The following GRM3 variants were observed in gnomAD, a reference collection of about 807,000 sequenced individuals.
GRM3 encodes glutamate metabotropic receptor 3.
A neutral mutation model predicts 70.5 loss-of-function variants in GRM3; 26 were observed. The ratio of observed to expected loss-of-function variants is 0.37; its 90% CI spans 0.27 to 0.51. GRM3 has a LOEUF of 0.51. Ranked by LOEUF, GRM3 falls within the 20% of genes least tolerant of loss-of-function variation. The pLI is 0.93. For synonymous variants in GRM3, 443 were observed against 434.9 expected (o/e 1.02, Z -0.23); for missense variants, 859 against 1,123.8 (o/e 0.76, Z 3.37).
Position 86,839,621 on chromosome 7 carries a change from G to A in GRM3, c.2107G>A (p.Val703Met), listed in dbSNP as rs761489102. 4 of 1,613,928 alleles carry A rather than the reference G, an allele frequency of 2.5e-6. No homozygotes were observed. Among genetic ancestry groups the A allele is most frequent in the African/African-American group, 2.7e-5 (2 of 74,886 alleles). ...TCTGATCCTGGTGCAAATTGTGATG[G>A]TGTCTGTGTGGCTCATCCTGGAGGC... ...LGLILVQIVM[V>M]SVWLILEAPG... Residue 703 changes from valine (V) to methionine (M), a missense_variant, in exon 4 of 6, where the codon GTG (valine) becomes ATG (methionine). Physicochemically the swap from Val to Met is conservative, Grantham distance 21. Coordinates refer to ENST00000361669, the MANE Select transcript of GRM3 (RefSeq NM_000840.3). This position sits in a 1 kb window ranked among gnomAD's most constrained non-coding sequence, Gnocchi z 4.5.
At chr7:86,698,560 A>G (rs576521007) in intron 1 of GRM3, among the ~76,000 whole-genome samples, 1 of 142,844 alleles carries the variant, frequency 7.0e-6, no homozygotes, top group South Asian at 2.1e-4. Flanking sequence ...ATTATTATAT[A>G]TATAATTATA....
rs147001196 is a variant in GRM3 at position 86,724,754 on chromosome 7, G to A, written c.-140-40252G>A. Among the ~76,000 whole-genome samples the A allele has an allele frequency of 8.0e-5, 12 of 149,592 alleles. No individual in the cohort carries two copies. In the East Asian group the frequency reaches 2.3e-3, roughly 29 times the overall value. Reference sequence around the variant, plus strand: ...GATTCATAAATCACACTCTTGAGTGGGGAGGGTTAGATTATTTGCAAAAGC... The same window carrying A: ...GATTCATAAATCACACTCTTGAGTGAGGAGGGTTAGATTATTTGCAAAAGC... On this transcript the variant is annotated intron_variant, in intron 1 of 5. Coordinates refer to ENST00000361669, the MANE Select transcript of GRM3 (RefSeq NM_000840.3).
chr7:86,798,392 G>A (rs1797606067), intron 3 of GRM3, among the ~76,000 whole-genome samples: 2 of 152,210 alleles, frequency 1.3e-5, no homozygotes, highest in South Asian at 2.1e-4. Flanking sequence ...TGACCTGGAT[G>A]TGAGACATGG....
intron 1 of GRM3, among the ~76,000 whole-genome samples, chr7:86,739,705 C>A (rs535304285): frequency 6.6e-6 from 1 of 152,334 alleles, no homozygotes; most frequent in Admixed American, 6.5e-5. Context: ...TGATTCTAAT[C>A]ATGCTTAAAT....
chr7:86,781,215 A>G (rs1797049755), intron 2 of GRM3, among the ~76,000 whole-genome samples: 2 of 152,222 alleles, frequency 1.3e-5, no homozygotes, highest in South Asian at 4.1e-4. Flanking sequence ...TGAAAATACT[A>G]GGGATCTTTA....
intron 3 of GRM3, among the ~76,000 whole-genome samples, chr7:86,825,806 GAAT>G (rs1798220491): frequency 6.6e-6 from 1 of 152,168 alleles, no homozygotes; most frequent in African/African-American, 2.4e-5. Context: ...GCATTCTTCA[GAAT>G]ATTAGCTCTG....
Position 86,720,911 on chromosome 7 carries a change from T to C in GRM3, c.-140-44095T>C, listed in dbSNP as rs140392166. 1.1e-3 allele frequency among the ~76,000 whole-genome samples: 174 copies of C among 152,190 alleles called. 1 individual carries two copies. The highest frequency in any genetic ancestry group is 2.5e-3 in the Admixed American group (38 of 15,270). ...CTGAGAGTTTACATTGAGGTAGAGA[T>C]ACTCAGACAACAGTAAACAAACAAG... On this transcript the variant is annotated intron_variant, in intron 1 of 5. Coordinates refer to ENST00000361669, the MANE Select transcript of GRM3 (RefSeq NM_000840.3).
At chr7:86,770,008 T>G (rs1319036235) in intron 2 of GRM3, among the ~76,000 whole-genome samples, 2 of 152,136 alleles carry the variant, frequency 1.3e-5, no homozygotes, top group Non-Finnish European at 2.9e-5. Flanking sequence ...AGAATCAAGT[T>G]GGTTGCTGTT....
intron 1 of GRM3, among the ~76,000 whole-genome samples, chr7:86,648,802 C>T (rs942074564): frequency 6.6e-6 from 1 of 152,022 alleles, no homozygotes; most frequent in Non-Finnish European, 1.5e-5. Flanking sequence ...CGTGTGTAGG[C>T]TTCTTTAAGA....
intron 1 of GRM3, among the ~76,000 whole-genome samples, chr7:86,764,288 G>T (rs941749810): frequency 1.3e-5 from 2 of 152,090 alleles, no homozygotes; most frequent in African/African-American, 4.8e-5. Flanking sequence ...TCAAGATGAA[G>T]CATGATAACA....
intron 1 of GRM3, among the ~76,000 whole-genome samples, chr7:86,724,974 G>A (rs1233749742): frequency 6.6e-6 from 1 of 151,904 alleles, no homozygotes; most frequent in East Asian, 1.9e-4. Flanking sequence ...GTTTATTTAG[G>A]GTGATTTTGT....
chr7:86,841,176 T>TA (rs1469058496), intron 4 of GRM3, among the ~76,000 whole-genome samples: 3 of 152,114 alleles, frequency 2.0e-5, no homozygotes, highest in Non-Finnish European at 4.4e-5. Flanking sequence ...ATACTTTTGT[T>TA]AAAAAAAGGC....
intron 3 of GRM3, among the ~76,000 whole-genome samples, chr7:86,835,714 G>A (rs1798444157): frequency 6.6e-6 from 1 of 152,202 alleles, no homozygotes; most frequent in South Asian, 2.1e-4. Flanking sequence ...AGACTTAAGT[G>A]ATCCTCCCAC....
intron 1 of GRM3, among the ~76,000 whole-genome samples, chr7:86,668,780 G>T (rs1794097003): frequency 1.3e-5 from 2 of 152,080 alleles, no homozygotes; most frequent in African/African-American, 4.8e-5. Context: ...CCAACCAAAA[G>T]CAAACTATTG....
rs954122061 is a variant in GRM3, at chr7:86,763,861, C to A, written c.-140-1145C>A. ...TCTTTGTCTAATGCTCAAAACAGTG[C>A]TTTGGGGGGTGGTAGCAGCTCTCTA... is the stretch of plus-strand genomic sequence containing the variant. On this transcript the variant is annotated intron_variant, in intron 1 of 5. Transcript: ENST00000361669. Among the ~76,000 whole-genome samples, 6 of 151,978 alleles carry A rather than the reference C, an allele frequency of 3.9e-5. No individual in the cohort carries two copies. The South Asian group carries it at 6.2e-4, about 16-fold the overall frequency.
chr7:86,698,495 A>AATAT (rs1477352388), intron 1 of GRM3, among the ~76,000 whole-genome samples: 1 of 148,562 alleles, frequency 6.7e-6, no homozygotes, highest in Non-Finnish European at 1.5e-5. Flanking sequence ...TACCTGGTAT[A>AATAT]AAGAGTCCCA....
chr7:86,791,274 G>T (rs1437350175), intron 3 of GRM3, among the ~76,000 whole-genome samples: 2 of 152,036 alleles, frequency 1.3e-5, no homozygotes, highest in Non-Finnish European at 2.9e-5. Context: ...ATAAAAGCAA[G>T]CAATCAATTT....
At chr7:86,767,444 T>C (rs1796627130) in intron 2 of GRM3, among the ~76,000 whole-genome samples, 1 of 149,526 alleles carries the variant, frequency 6.7e-6, no homozygotes, top group Non-Finnish European at 1.5e-5. Flanking sequence ...ATTTTGCCAC[T>C]CTTTCTATAC....
At chr7:86,834,410 T>C (rs1798414473) in intron 3 of GRM3, among the ~76,000 whole-genome samples, 1 of 152,172 alleles carries the variant, frequency 6.6e-6, no homozygotes. Context: ...TCTTTCAGTC[T>C]TTATGTTAAT....
Sources: allele counts gnomAD v4.1 joint callset (sites outside exome capture counted in the v4.1 genomes callset), GRCh38; gene constraint gnomAD v4.1.1; non-coding constraint Gnocchi (gnomAD v3.1); transcripts MANE v1.5; gene names NCBI Gene and HGNC (gene_info 2026-07-23, HGNC 2026-07-21).